PLOD1: variants seen among roughly 807,000 people sequenced by gnomAD.
PLOD1 encodes procollagen-lysine,2-oxoglutarate 5-dioxygenase 1.
A neutral mutation model predicts 94.7 loss-of-function variants in PLOD1; 70 were observed. That is an observed-to-expected ratio of 0.74 (90% confidence interval 0.61 to 0.90). PLOD1 has a LOEUF of 0.90. Among genes scored for constraint, PLOD1 ranks in the 40% least tolerant of loss-of-function variants. PLOD1 has a pLI of 0.00. For synonymous variants in PLOD1, 417 were observed against 400.2 expected, an observed-to-expected ratio of 1.04 and a Z score of -0.50; for missense variants, 905 against 972.7, an observed-to-expected ratio of 0.93 and a Z score of 0.93.
intron 10 of PLOD1, among the ~76,000 whole-genome samples, chr1:11,961,719 C>T (rs569994609): frequency 2.6e-5 from 4 of 152,338 alleles, no homozygotes; most frequent in African/African-American, 9.6e-5. Flanking sequence ...AAGTGATCCT[C>T]CTGCCTCAGC....
In PLOD1 at chr1:11,957,831, C is replaced by T. The variant is rs1194883501; in HGVS notation, c.742-11C>T. 1 of 1,604,954 alleles carries T rather than the reference C, an allele frequency of 6.2e-7. No individual in the cohort carries two copies. Among genetic ancestry groups the T allele is most frequent in the Non-Finnish European group, 8.5e-7 (1 of 1,171,722 alleles). On this transcript the variant is annotated splice_polypyrimidine_tract_variant and intron_variant, in intron 7 of 18. Coordinates refer to ENST00000196061, the MANE Select transcript of PLOD1 (RefSeq NM_000302.4). This position sits in a 1 kb window ranked among gnomAD's most constrained non-coding sequence, Gnocchi z 4.1. ...GGCTGGCTTCTCTGTGACCCCACGTCTCCCCGACAGCTGCAGTTGAACTAC... is the reference window on the plus strand; with the variant it reads ...GGCTGGCTTCTCTGTGACCCCACGTTTCCCCGACAGCTGCAGTTGAACTAC...
Position 11,964,786 on chromosome 1 carries a change from G to C in PLOD1, c.1470+1G>C. On this transcript the variant is annotated splice_donor_variant, in intron 13 of 18. Coordinates refer to ENST00000196061, the MANE Select transcript of PLOD1 (RefSeq NM_000302.4). LOFTEE classifies it high-confidence loss of function. ...CTTCTGTGCCAACATCCGGCAGCAG[G>C]TCAGCCAGGAGCGGGCAGCACAGGA... The C allele has an allele frequency of 6.2e-7, 1 of 1,613,560 alleles. No homozygotes were observed. The highest frequency in any genetic ancestry group is 8.5e-7 in the Non-Finnish European group (1 of 1,180,038).
intron 2 of PLOD1, 94 bp from the exon 3 acceptor site, chr1:11,949,679 C>G (rs1645683619): frequency 2.9e-6 from 4 of 1,366,316 alleles, no homozygotes; most frequent in South Asian, 2.4e-5. Flanking sequence ...CTCGGCCTCC[C>G]AAAGTGCTGG....
At chr1:11,954,524 T>G (rs1645724884) in intron 5 of PLOD1, 1 of 656,682 alleles carries the variant, frequency 1.5e-6, no homozygotes, top group Admixed American at 1.8e-5. Flanking sequence ...GTGCGTGTAG[T>G]GGAGTGCTTG....
rs1347768053 is a variant in PLOD1 at position 11,975,442 on chromosome 1, C to T, written c.*634C>T. The T allele has an allele frequency of 5.9e-6, 1 of 169,148 alleles. No individual in the cohort carries two copies. The highest frequency in any genetic ancestry group is 1.3e-5 in the Non-Finnish European group (1 of 77,042). The allele number at this position is 169,148 out of a possible 1,614,324, so 10.5% of individuals were successfully genotyped here. A position where few individuals can be genotyped will look rare whatever the true frequency, so the allele number is the denominator to read the frequency against. ...CCTGTGGGGAGGGGAGTGACAGGTC[C>T]ACACACCACACTGGGTCACCCTGTC... On this transcript the variant is annotated 3_prime_UTR_variant, in exon 19 of 19. Transcript: ENST00000196061.
At position 11,963,314 on chromosome 1, in the gene PLOD1, A is replaced by T. The variant is rs886340257; in HGVS notation, c.1098-218A>T. On this transcript the variant is annotated intron_variant, in intron 10 of 18. Coordinates refer to ENST00000196061, the MANE Select transcript of PLOD1 (RefSeq NM_000302.4). The surrounding 1 kb of genome is among the most constrained non-coding windows in gnomAD (Gnocchi z 4.3). ...TTCCCAGTACCAGGATTTTCAGGGC[A>T]CTTGATACCAGTTGCCAACCTCTGG... 6.6e-6 allele frequency among the ~76,000 whole-genome samples: 1 copy of T among 152,244 alleles called. No homozygotes were observed. The highest frequency in any genetic ancestry group is 2.4e-5 in the African/African-American group (1 of 41,468).
chr1:11,971,247 A>G (rs1224851330), intron 17 of PLOD1, among the ~76,000 whole-genome samples: 1 of 9,852 alleles, frequency 1.0e-4, no homozygotes, highest in Non-Finnish European at 2.0e-4. Flanking sequence ...TGGAAGGGCC[A>G]GGGGTGGGTG....
chr1:11,953,803 G>A (rs578131720), intron 5 of PLOD1, among the ~76,000 whole-genome samples: 15 of 151,472 alleles, frequency 9.9e-5, no homozygotes, highest in African/African-American at 3.1e-4. Context: ...AAAAAAAAAA[G>A]CAATAATGAT....
At position 11,952,691 on chromosome 1, in the gene PLOD1, G is replaced by A. The variant is rs188165334; in HGVS notation, c.535G>A (p.Asp179Asn). The stretch of plus-strand genomic sequence containing the variant: ...GTGGGAGGGCCAGGACAGCGACAGC[G>A]ATCAGCTGTTTTACACCAAGATCTT... ...AEWEGQDSDSDQLFYTKIFLD... is the reference protein window; with the variant it reads ...AEWEGQDSDSNQLFYTKIFLD... The change falls in exon 5 of 19, where the codon GAT becomes AAT. Residue 179 changes from aspartate to asparagine, a missense_variant. Coordinates refer to ENST00000196061, the MANE Select transcript of PLOD1 (RefSeq NM_000302.4). 104 of 1,614,030 alleles carry A rather than the reference G, an allele frequency of 6.4e-5. No individual in the cohort carries two copies. In the South Asian group the frequency reaches 9.0e-4, roughly 14 times the overall value.
rs1043963424 is a variant in PLOD1, at chr1:11,972,519, C to T, written c.1903-353C>T. On this transcript the variant is annotated intron_variant, in intron 17 of 18. Coordinates refer to ENST00000196061, the MANE Select transcript of PLOD1 (RefSeq NM_000302.4). This position sits in a 1 kb window ranked among gnomAD's most constrained non-coding sequence, Gnocchi z 4.6. Reference sequence around the variant, plus strand: ...CCGCCCACCTTGGCCTCCCAAAGTGCTGGAATTACAGGCGTGAGTACCATG... The same window carrying T: ...CCGCCCACCTTGGCCTCCCAAAGTGTTGGAATTACAGGCGTGAGTACCATG... The T allele has an allele frequency of 1.8e-5, 5 of 280,756 alleles. No homozygotes were observed. In the Admixed American group the frequency reaches 2.2e-4, roughly 12 times the overall value. 17.4% of individuals were successfully genotyped at this position (280,756 alleles called of 1,614,324 possible).
At chr1:11,937,000 A>T (rs1645583962) in intron 1 of PLOD1, among the ~76,000 whole-genome samples, 1 of 151,890 alleles carries the variant, frequency 6.6e-6, no homozygotes, top group Non-Finnish European at 1.5e-5. Flanking sequence ...GGCGGATGCC[A>T]CAACGCTCAG....
intron 2 of PLOD1, among the ~76,000 whole-genome samples, chr1:11,948,434 G>A (rs1387914592): frequency 1.3e-5 from 2 of 152,134 alleles, no homozygotes; most frequent in Non-Finnish European, 2.9e-5. Flanking sequence ...TATAAACACT[G>A]CTCTAAAGAA....
At chr1:11,951,270 C>T (rs1291510112) in intron 4 of PLOD1, among the ~76,000 whole-genome samples, 3 of 152,054 alleles carry the variant, frequency 2.0e-5, no homozygotes, top group East Asian at 1.9e-4. Flanking sequence ...TGTCTTTAAA[C>T]GATGCAAATC....
chr1:11,949,524 A>G (rs927410990), intron 2 of PLOD1, among the ~76,000 whole-genome samples: 6 of 152,030 alleles, frequency 3.9e-5, no homozygotes, highest in African/African-American at 1.5e-4. Flanking sequence ...GGTTCAAGCA[A>G]TTCTCCTACT....
intron 9 of PLOD1, among the ~76,000 whole-genome samples, chr1:11,960,232 A>C (rs1186049536): frequency 6.6e-6 from 1 of 152,160 alleles, no homozygotes. Flanking sequence ...GGCCTCCCAA[A>C]GTGCTGCGAA....
Position 11,958,401 on chromosome 1 carries a change from T to A in PLOD1, c.844-115T>A. On this transcript the variant is annotated intron_variant, in intron 8 of 18. Coordinates refer to ENST00000196061, the MANE Select transcript of PLOD1 (RefSeq NM_000302.4). The surrounding 1 kb of genome is among the most constrained non-coding windows in gnomAD (Gnocchi z 4.3). ...AGTTCCCCGGCCCGGGCACCTTTCT[T>A]GGGAAGTCTACATGCTTCTGATTCT... is the stretch of plus-strand genomic sequence containing the variant. The A allele has an allele frequency of 8.0e-7, 1 of 1,243,548 alleles. No individual in the cohort carries two copies. Among genetic ancestry groups the A allele is most frequent in the East Asian group, 2.5e-5 (1 of 40,246 alleles). 77.0% of individuals were successfully genotyped at this position (1,243,548 alleles called of 1,614,324 possible).
chr1:11,963,746 C>A lies in PLOD1; in HGVS notation c.1202+110C>A. The A allele has an allele frequency of 2.8e-6, 2 of 724,084 alleles. No homozygotes were observed. The highest frequency in any genetic ancestry group is 5.0e-6 in the Non-Finnish European group (2 of 398,832). The allele number at this position is 724,084 out of a possible 1,614,324, so 44.9% of individuals were successfully genotyped here. The stretch of plus-strand genomic sequence containing the variant: ...TCCTCATCCACCTCCTCTTCCTCCT[C>A]TTTTTCCTTCTCCTGCTCCTCTTTC... On this transcript the variant is annotated intron_variant, in intron 11 of 18. Transcript: ENST00000196061. This position sits in a 1 kb window ranked among gnomAD's most constrained non-coding sequence, Gnocchi z 4.3.
chr1:11,964,618 C>G, intron 12 of PLOD1, 26 bp from the exon 13 acceptor site: 1 of 1,612,780 alleles, frequency 6.2e-7, no homozygotes, highest in Non-Finnish European at 8.5e-7. Flanking sequence ...CCTCTGACCC[C>G]CACCCGCTTT....
At position 11,974,911 on chromosome 1, in the gene PLOD1, G is replaced by A. The variant is rs1645893691; in HGVS notation, c.*103G>A. On this transcript the variant is annotated 3_prime_UTR_variant, in exon 19 of 19. Coordinates refer to ENST00000196061, the MANE Select transcript of PLOD1 (RefSeq NM_000302.4). ...CCAGGGAACCCAGTCCAGCCTCCTG[G>A]CTGTTGACTTCCCATTGCTCTTGGA... The A allele has an allele frequency of 2.7e-6, 3 of 1,094,792 alleles. No homozygotes were observed. Among genetic ancestry groups the A allele is most frequent in the African/African-American group, 1.5e-5 (1 of 64,796 alleles). The allele number at this position is 1,094,792 out of a possible 1,614,324, so 67.8% of individuals were successfully genotyped here. A position where few individuals can be genotyped will look rare whatever the true frequency, so the allele number is the denominator to read the frequency against.
Sources: gnomAD v4.1 joint callset for allele counts (sites outside exome capture counted in the v4.1 genomes callset) on GRCh38, gnomAD v4.1.1 for gene constraint, Gnocchi (gnomAD v3.1) non-coding constraint, MANE v1.5 for transcripts, NCBI Gene and HGNC (gene_info 2026-07-23, HGNC 2026-07-21) for gene names.